B4GALT1: variants seen among roughly 807,000 people sequenced by gnomAD.
B4GALT1 encodes N-acetyllactosamine synthase.
A neutral mutation model predicts 34.9 loss-of-function variants in B4GALT1; 16 were observed. That is an observed-to-expected ratio of 0.46 (90% CI 0.31 to 0.70). The LOEUF is 0.70. B4GALT1 is among the 30% of genes least tolerant of loss of function. The pLI is 0.05. For synonymous variants in B4GALT1, 221 were observed against 218.1 expected (o/e 1.01, Z -0.12); for missense variants, 445 against 530.5 (o/e 0.84, Z 1.58).
chr9:33,173,953 CTA>C, the B4GALT1 span, among the ~76,000 whole-genome samples: 11 of 152,198 alleles, frequency 7.2e-5, no homozygotes, highest in South Asian at 8.3e-4. Context: ...ACAAAATAAA[CTA>C]TGAGTCCATA....
chr9:33,107,097 C>G (rs559922300), downstream of B4GALT1, among the ~76,000 whole-genome samples: 3 of 152,284 alleles, frequency 2.0e-5, no homozygotes, highest in African/African-American at 7.2e-5. Flanking sequence ...CCCTGTCACT[C>G]ATAACAACCT....
At chr9:33,105,184 G>A (rs1335649695) in intron 2 of B4GALT1, among the ~76,000 whole-genome samples, 1 of 151,816 alleles carries the variant, frequency 6.6e-6, no homozygotes, top group African/African-American at 2.4e-5. Context: ...TTGTTGCCCA[G>A]GCTGGAATGC....
intron 1 of B4GALT1, among the ~76,000 whole-genome samples, chr9:33,161,021 T>TTCTCTC (rs35401344): frequency 1.1e-3 from 161 of 149,238 alleles, no homozygotes; most frequent in Middle Eastern, 6.8e-3. Flanking sequence ...AGGCAAGTCA[T>TTCTCTC]TCTCTCTCTC....
chr9:33,140,793 G>A (rs775987000), intron 1 of B4GALT1, among the ~76,000 whole-genome samples: 10 of 152,348 alleles, frequency 6.6e-5, no homozygotes, highest in African/African-American at 2.2e-4. Flanking sequence ...GGTGCGCACC[G>A]CAAGCTGAGC....
intron 2 of B4GALT1, among the ~76,000 whole-genome samples, chr9:33,122,471 C>T (rs1156559614): frequency 6.6e-6 from 1 of 152,002 alleles, no homozygotes; most frequent in Non-Finnish European, 1.5e-5. Flanking sequence ...GGCACCACTG[C>T]ACTCCAGCCT....
intron 1 of B4GALT1, among the ~76,000 whole-genome samples, chr9:33,136,602 T>C (rs1251060404): frequency 6.6e-6 from 1 of 152,214 alleles, no homozygotes; most frequent in Non-Finnish European, 1.5e-5. Flanking sequence ...CTCTGAGAAG[T>C]TGTGCAGTCG....
intron 2 of B4GALT1, among the ~76,000 whole-genome samples, chr9:33,121,892 T>A (rs572905464): frequency 2.8e-4 from 42 of 152,230 alleles, no homozygotes; most frequent in African/African-American, 1.0e-3. Context: ...GATCACATTG[T>A]GGGGTAGAGT....
intron 4 of B4GALT1, among the ~76,000 whole-genome samples, chr9:33,115,169 T>C (rs1437268345): frequency 2.6e-5 from 4 of 152,266 alleles, no homozygotes; most frequent in African/African-American, 9.6e-5. Context: ...ATTGAAGACG[T>C]GGGTCTCTGT....
intron 1 of B4GALT1, among the ~76,000 whole-genome samples, chr9:33,139,072 T>C (rs1463352490): frequency 6.6e-6 from 1 of 152,154 alleles, no homozygotes; most frequent in Non-Finnish European, 1.5e-5. Flanking sequence ...AGAGAGTCTT[T>C]ACTCTGAAAT....
intron 1 of B4GALT1, among the ~76,000 whole-genome samples, chr9:33,162,855 C>T (rs1840693379): frequency 6.6e-6 from 1 of 152,196 alleles, no homozygotes; most frequent in Admixed American, 6.5e-5. Context: ...TAGGCTGTGT[C>T]TAAGAAAGCG....
At chr9:33,130,853 G>A (rs1840184989) in intron 2 of B4GALT1, among the ~76,000 whole-genome samples, 2 of 152,054 alleles carry the variant, frequency 1.3e-5, no homozygotes, top group African/African-American at 2.4e-5. Context: ...AGGAGGCGGT[G>A]GGAGCCATGA....
chr9:33,145,708 TA>T (rs1840415526), intron 1 of B4GALT1, among the ~76,000 whole-genome samples: 1 of 152,194 alleles, frequency 6.6e-6, no homozygotes, highest in Non-Finnish European at 1.5e-5. Context: ...TCCCCTTAAA[TA>T]ATCTTCCAGG....
chr9:33,108,375 G>C (rs1330239795), downstream of B4GALT1, among the ~76,000 whole-genome samples: 1 of 150,824 alleles, frequency 6.6e-6, no homozygotes, highest in Non-Finnish European at 1.5e-5. Flanking sequence ...CACTTTGGGA[G>C]ACTGAGGCAA....
chr9:33,107,385 T>A (rs1321304302), downstream of B4GALT1, among the ~76,000 whole-genome samples: 1 of 152,122 alleles, frequency 6.6e-6, no homozygotes, highest in Non-Finnish European at 1.5e-5. Flanking sequence ...CTTGGTAACC[T>A]TCAGAATGTG....
chr9:33,180,220 A>G, the B4GALT1 span, among the ~76,000 whole-genome samples: 1 of 152,114 alleles, frequency 6.6e-6, no homozygotes, highest in East Asian at 1.9e-4. Flanking sequence ...ATTGTTCTTC[A>G]TGCTTCCTTA....
chr9:33,126,667 G>GGTTAACCATAGTTAACCATTGTTAACATT (rs1840113838), intron 2 of B4GALT1, among the ~76,000 whole-genome samples: 33 of 32,820 alleles, frequency 1.0e-3, no homozygotes, highest in Non-Finnish European at 1.9e-3. Context: ...ATAGCAATAT[G>GGTTAACCATAGTTAACCATTGTTAACATT]GTAGCTCAGA....
downstream of B4GALT1, among the ~76,000 whole-genome samples, chr9:33,105,789 T>C (rs1022653232): frequency 2.0e-5 from 3 of 152,116 alleles, no homozygotes; most frequent in African/African-American, 7.2e-5. Context: ...TGAGTTGTAG[T>C]ATATGTCAGA....
At chr9:33,129,964 C>T (rs541459619) in intron 2 of B4GALT1, among the ~76,000 whole-genome samples, 1 of 151,996 alleles carries the variant, frequency 6.6e-6, no homozygotes, top group Admixed American at 6.5e-5. Flanking sequence ...CCATTTAGAC[C>T]GTTGCCTGTA....
Position 33,116,119 on chromosome 9 carries a change from G to A in B4GALT1, c.837-6C>T. 1 of 1,612,312 alleles carries A rather than the reference G, an allele frequency of 6.2e-7. No individual in the cohort carries two copies. Among genetic ancestry groups the A allele is most frequent in the Non-Finnish European group, 8.5e-7 (1 of 1,178,926 alleles). ...AATACTGAACATAAGGTAGGCTGGA[G>A]GAAAAACATACACACAGAAGGAGCA... On this transcript the variant is annotated splice_polypyrimidine_tract_variant and splice_region_variant and intron_variant, in intron 3 of 5. Transcript: ENST00000379731.
Sources: allele counts gnomAD v4.1 joint callset (sites outside exome capture counted in the v4.1 genomes callset), GRCh38; gene constraint gnomAD v4.1.1; transcripts MANE v1.5; gene names NCBI Gene and HGNC (gene_info 2026-07-23, HGNC 2026-07-21).